Variants in MYO1D observed in about 807,000 individuals in gnomAD.
The protein encoded by MYO1D is unconventional myosin-Id.
MYO1D carries 83 observed loss-of-function variants against 122.0 expected under a neutral mutation model. The ratio of observed to expected loss-of-function variants is 0.68; its 90% CI spans 0.57 to 0.82. The LOEUF is 0.82. Ranked by LOEUF, MYO1D falls within the 40% of genes least tolerant of loss-of-function variation. The pLI, the probability that MYO1D is intolerant of heterozygous loss-of-function variation, is 0.00. For synonymous variants in MYO1D, 464 were observed against 446.9 expected (o/e 1.04, Z -0.48); for missense variants, 1,157 against 1,269.5 (o/e 0.91, Z 1.35).
chr17:32,671,309 C>T (rs974600567), intron 16 of MYO1D, among the ~76,000 whole-genome samples: 8 of 152,318 alleles, frequency 5.3e-5, no homozygotes, highest in African/African-American at 4.8e-5. Flanking sequence ...CGCTCGCCCA[C>T]GTGCTCCCTC....
intron 21 of MYO1D, among the ~76,000 whole-genome samples, chr17:32,552,447 T>TCCAC (rs2087026133): frequency 6.6e-6 from 1 of 151,774 alleles, no homozygotes; most frequent in African/African-American, 2.4e-5. Context: ...CATCCATCCA[T>TCCAC]CCATCCATCC....
intron 21 of MYO1D, among the ~76,000 whole-genome samples, chr17:32,507,960 G>A (rs903978693): frequency 3.4e-5 from 5 of 147,454 alleles, no homozygotes; most frequent in Admixed American, 6.9e-5. Context: ...GCAATGGCGC[G>A]ATCTTGGCTC....
chr17:32,695,827 T>C (rs1307768789), intron 16 of MYO1D, among the ~76,000 whole-genome samples: 2 of 152,222 alleles, frequency 1.3e-5, no homozygotes, highest in African/African-American at 4.8e-5. Flanking sequence ...TTTAGTGAAC[T>C]TAAAAATGTG....
At chr17:32,638,218 C>T (rs1211675534) in intron 20 of MYO1D, among the ~76,000 whole-genome samples, 3 of 151,994 alleles carry the variant, frequency 2.0e-5, no homozygotes, top group Non-Finnish European at 2.9e-5. Context: ...AAAATGATAA[C>T]GGAATTAGAA....
intron 21 of MYO1D, among the ~76,000 whole-genome samples, chr17:32,586,650 CTTCT>C: frequency 6.6e-6 from 1 of 152,198 alleles, no homozygotes; most frequent in Non-Finnish European, 1.5e-5. Context: ...TGCTTTTTCC[CTTCT>C]AAGTACGTAT....
rs2090204058 is a variant in MYO1D, at chr17:32,778,583, A to G, written c.305-10T>C. On this transcript the variant is annotated splice_polypyrimidine_tract_variant and intron_variant, in intron 2 of 21. Transcript: ENST00000318217. ...CCAGCTCCACTTTCCCCTGGGGGGA[A>G]AAATTGTTCAGGGCTTAACATAATA... is the stretch of plus-strand genomic sequence containing the variant. 9 of 1,604,780 alleles carry G rather than the reference A, an allele frequency of 5.6e-6. No homozygotes were observed. Among genetic ancestry groups the G allele is most frequent in the South Asian group, 3.3e-5 (3 of 90,804 alleles).
intron 20 of MYO1D, chr17:32,632,578 TATATATATACACACACACACAC>T (rs1470621254): frequency 9.4e-6 from 1 of 106,596 alleles, no homozygotes; most frequent in African/African-American, 5.5e-5. Flanking sequence ...TATATATATA[TATATATATACACACACACACAC>T]ACACACACAC....
chr17:32,639,363 TTGTGTGTGTGTGTGTG>T (rs10674390), intron 19 of MYO1D, among the ~76,000 whole-genome samples: 9 of 128,268 alleles, frequency 7.0e-5, no homozygotes, highest in South Asian at 2.6e-4. Flanking sequence ...GGGAGAAATT[TTGTGTGTGTGTGTGTG>T]TGTGTGTGTG....
intron 21 of MYO1D, among the ~76,000 whole-genome samples, chr17:32,545,509 C>A (rs957406241): frequency 6.6e-6 from 1 of 152,092 alleles, no homozygotes; most frequent in African/African-American, 2.4e-5. Flanking sequence ...AGTGGAATAC[C>A]ATTCCACCTC....
intron 13 of MYO1D, among the ~76,000 whole-genome samples, chr17:32,744,078 A>T (rs2089802820): frequency 6.6e-6 from 1 of 152,074 alleles, no homozygotes; most frequent in Non-Finnish European, 1.5e-5. Flanking sequence ...CTTTCTTCTT[A>T]TGTGGACTCA....
chr17:32,672,423 A>AACT (rs1205989259), intron 16 of MYO1D, among the ~76,000 whole-genome samples: 1 of 152,206 alleles, frequency 6.6e-6, no homozygotes, highest in African/African-American at 2.4e-5. Context: ...ACATAATCCA[A>AACT]ACTACTACAC....
intron 1 of MYO1D, among the ~76,000 whole-genome samples, chr17:32,829,030 C>T (rs1294742567): frequency 6.6e-6 from 1 of 152,102 alleles, no homozygotes; most frequent in Admixed American, 6.5e-5. Context: ...TCCACACAGA[C>T]AGGAGAAAAT....
At chr17:32,594,500 A>G in intron 21 of MYO1D, 1 of 570,822 alleles carries the variant, frequency 1.8e-6, no homozygotes, top group Non-Finnish European at 3.2e-6. Context: ...TTGCCATGTA[A>G]TCTTGGGCCT....
At chr17:32,547,075 A>AT (rs71144837) in intron 21 of MYO1D, among the ~76,000 whole-genome samples, 73,150 of 147,978 alleles carry the variant, frequency 0.49, 18,409 homozygotes, top group African/African-American at 0.6. Context: ...CTAATTAAAC[A>AT]TTTTTTTTTT....
chr17:32,694,020 AT>A (rs1164759999), intron 16 of MYO1D, among the ~76,000 whole-genome samples: 2 of 152,148 alleles, frequency 1.3e-5, no homozygotes, highest in Admixed American at 1.3e-4. Flanking sequence ...AATCGACCAA[AT>A]TTTTTTCCCC....
intron 1 of MYO1D, among the ~76,000 whole-genome samples, chr17:32,811,197 A>G (rs1186706466): frequency 6.6e-6 from 1 of 152,216 alleles, no homozygotes; most frequent in African/African-American, 2.4e-5. Context: ...CCAACTGCCT[A>G]TAGGATATTT....
intron 19 of MYO1D, among the ~76,000 whole-genome samples, chr17:32,644,026 C>T (rs963900077): frequency 1.3e-5 from 2 of 152,122 alleles, no homozygotes; most frequent in Non-Finnish European, 2.9e-5. Flanking sequence ...AAGTTTAGAT[C>T]TTTCCTGCTT....
chr17:32,750,232 T>G (rs923491622), intron 11 of MYO1D, among the ~76,000 whole-genome samples: 1 of 152,222 alleles, frequency 6.6e-6, no homozygotes, highest in East Asian at 1.9e-4. Context: ...CTTGTTACAG[T>G]AGCATCTAGA....
intron 21 of MYO1D, among the ~76,000 whole-genome samples, chr17:32,556,369 C>G (rs1309289967): frequency 6.6e-6 from 1 of 152,126 alleles, no homozygotes; most frequent in Non-Finnish European, 1.5e-5. Context: ...AGGTGGTCAA[C>G]AAGTGGGTGC....
Sources: allele counts gnomAD v4.1 joint callset (sites outside exome capture counted in the v4.1 genomes callset), GRCh38; gene constraint gnomAD v4.1.1; transcripts MANE v1.5; gene names NCBI Gene and HGNC (gene_info 2026-07-23, HGNC 2026-07-21).